RASSF8: variants seen among roughly 807,000 people sequenced by gnomAD.
RASSF8 encodes ras association domain-containing protein 8.
A neutral mutation model predicts 48.5 loss-of-function variants in RASSF8; 22 were observed. The ratio of observed to expected loss-of-function variants is 0.45; its 90% CI spans 0.32 to 0.65. The LOEUF (loss-of-function observed/expected upper bound fraction) is 0.65, where lower values mean the gene tolerates loss of function less well. Ranked by LOEUF, RASSF8 falls within the 30% of genes least tolerant of loss-of-function variation. The pLI is 0.03. For synonymous variants in RASSF8, 127 were observed against 171.5 expected (o/e 0.74, Z 2.03); for missense variants, 418 against 489.2 (o/e 0.85, Z 1.37).
intron 1 of RASSF8, among the ~76,000 whole-genome samples, chr12:25,975,638 G>A (rs956137678): frequency 9.9e-5 from 15 of 152,192 alleles, no homozygotes; most frequent in African/African-American, 3.6e-4. Context: ...AATGGCCTCT[G>A]CCTTTTAAAA....
chr12:25,993,594 A>G (rs763336182), intron 1 of RASSF8, among the ~76,000 whole-genome samples: 2 of 152,122 alleles, frequency 1.3e-5, no homozygotes, highest in African/African-American at 2.4e-5. Flanking sequence ...TTGGTTTTCA[A>G]TTTGCTATCC....
downstream of RASSF8, among the ~76,000 whole-genome samples, chr12:26,073,543 C>T (rs1040532407): frequency 1.3e-5 from 2 of 152,078 alleles, no homozygotes; most frequent in African/African-American, 4.8e-5. Context: ...TCGAGACCAG[C>T]CTGGCCAACG....
rs956275917 is a variant in RASSF8, at chr12:26,055,305, GACC to G, written c.-36_-34del. On this transcript the variant is annotated 5_prime_UTR_variant, in exon 3 of 6. Coordinates refer to ENST00000689635, the MANE Select transcript of RASSF8 (RefSeq NM_001394098.1). ...TAGAGACATGACCTAACACCCTGAT[GACC>G]ACTCTCAGGGACCTTGAGTGACTGG... The G allele has an allele frequency of 6.6e-7, 1 of 1,511,258 alleles. No homozygotes were observed. The highest frequency in any genetic ancestry group is 1.4e-5 in the African/African-American group (1 of 72,818). 93.6% of individuals were successfully genotyped at this position (1,511,258 alleles called of 1,614,324 possible). A position where few individuals can be genotyped will look rare whatever the true frequency, so the allele number is the denominator to read the frequency against.
At chr12:25,983,996 T>C (rs1444099333) in intron 1 of RASSF8, among the ~76,000 whole-genome samples, 2 of 152,188 alleles carry the variant, frequency 1.3e-5, no homozygotes, top group Non-Finnish European at 2.9e-5. Context: ...TATGATTCCA[T>C]TCATATGAGC....
chr12:25,984,220 G>A (rs771565928), intron 1 of RASSF8, among the ~76,000 whole-genome samples: 9 of 136,980 alleles, frequency 6.6e-5, no homozygotes, highest in Admixed American at 1.6e-4. Context: ...ACTGCTACAC[G>A]TAGCTTTTTT....
intron 2 of RASSF8, among the ~76,000 whole-genome samples, chr12:26,025,283 C>T (rs1448791238): frequency 1.3e-5 from 2 of 152,222 alleles, no homozygotes; most frequent in Admixed American, 6.5e-5. Context: ...CAGGGCCAGG[C>T]GTGGTGGCTC....
chr12:26,041,645 A>G (rs1943267963), intron 2 of RASSF8, among the ~76,000 whole-genome samples: 5 of 151,954 alleles, frequency 3.3e-5, no homozygotes, highest in Non-Finnish European at 7.4e-5. Flanking sequence ...ATATATACAC[A>G]CACATACACA....
intron 1 of RASSF8, 75 bp from the exon 2 acceptor site, chr12:25,994,962 T>C (rs967366518): frequency 1.3e-5 from 2 of 152,228 alleles, no homozygotes; most frequent in East Asian, 1.9e-4. Context: ...GGTGATTGTA[T>C]GTTAAAATGG....
intron 3 of RASSF8, among the ~76,000 whole-genome samples, chr12:26,059,967 C>T (rs149589242): frequency 0.016 from 2,396 of 152,194 alleles, 38 homozygotes; most frequent in Middle Eastern, 0.027. Context: ...GTGTGATCTC[C>T]GCTCACTGCA....
chr12:25,961,691 A>C (rs538011252), intron 1 of RASSF8, among the ~76,000 whole-genome samples: 1 of 152,262 alleles, frequency 6.6e-6, no homozygotes, highest in Middle Eastern at 3.4e-3. Context: ...TAGAACATCT[A>C]ATATATATTA....
At chr12:25,973,647 A>G (rs1941534935) in intron 1 of RASSF8, 1 of 152,180 alleles carries the variant, frequency 6.6e-6, no homozygotes, top group African/African-American at 2.4e-5. Context: ...CTCCAAGGTG[A>G]TGGCATTTGG....
At chr12:26,022,464 A>T (rs1942808007) in intron 2 of RASSF8, among the ~76,000 whole-genome samples, 1 of 152,208 alleles carries the variant, frequency 6.6e-6, no homozygotes, top group South Asian at 2.1e-4. Context: ...ACACATGCAA[A>T]GAAACAGGAA....
intron 1 of RASSF8, among the ~76,000 whole-genome samples, chr12:25,980,992 A>G (rs7298162): frequency 0.066 from 10,023 of 152,202 alleles, 716 homozygotes; most frequent in East Asian, 0.27. Flanking sequence ...GGTACTTTTT[A>G]TGGGCAGTAT....
At chr12:25,989,947 G>C (rs971583544) in intron 1 of RASSF8, among the ~76,000 whole-genome samples, 2 of 152,134 alleles carry the variant, frequency 1.3e-5, no homozygotes, top group African/African-American at 4.8e-5. Flanking sequence ...ACCTGAACCC[G>C]GGAAGGTACT....
At chr12:25,960,946 G>A (rs964909801) in intron 1 of RASSF8, among the ~76,000 whole-genome samples, 1 of 152,190 alleles carries the variant, frequency 6.6e-6, no homozygotes, top group Non-Finnish European at 1.5e-5. Flanking sequence ...CCTGAATTTG[G>A]CATTTGGTTC....
intron 2 of RASSF8, among the ~76,000 whole-genome samples, chr12:26,000,898 T>C (rs1001543636): frequency 6.6e-6 from 1 of 151,896 alleles, no homozygotes; most frequent in African/African-American, 2.4e-5. Context: ...GTTTAGTGAA[T>C]GTGAGGGCCG....
intron 1 of RASSF8, among the ~76,000 whole-genome samples, chr12:25,979,605 T>C (rs919713971): frequency 2.6e-5 from 4 of 152,220 alleles, no homozygotes; most frequent in African/African-American, 9.7e-5. Context: ...AGTCTGTGCT[T>C]TTTTATTCCC....
At chr12:26,030,671 A>T (rs970854394) in intron 2 of RASSF8, among the ~76,000 whole-genome samples, 1 of 151,610 alleles carries the variant, frequency 6.6e-6, no homozygotes, top group Non-Finnish European at 1.5e-5. Flanking sequence ...AACCAAATAG[A>T]CATCCCCGAA....
chr12:25,990,029 G>C (rs1941977179), intron 1 of RASSF8, among the ~76,000 whole-genome samples: 1 of 152,162 alleles, frequency 6.6e-6, no homozygotes, highest in Non-Finnish European at 1.5e-5. Flanking sequence ...GTTGTGAACA[G>C]TGTCTGAACT....
Sources: gnomAD v4.1 joint callset for allele counts (sites outside exome capture counted in the v4.1 genomes callset) on GRCh38, gnomAD v4.1.1 for gene constraint, MANE v1.5 for transcripts, NCBI Gene and HGNC (gene_info 2026-07-23, HGNC 2026-07-21) for gene names.